TCP11: variants seen among roughly 807,000 people sequenced by gnomAD.
TCP11 encodes T-complex protein 11 homolog.
A neutral mutation model predicts 45.0 loss-of-function variants in TCP11; 34 were observed. The observed-to-expected ratio is 0.76, with a 90% CI of 0.57 to 1.01. The LOEUF (loss-of-function observed/expected upper bound fraction) is 1.01, where lower values mean the gene tolerates loss of function less well. Among genes scored for constraint, TCP11 ranks in the 50% least tolerant of loss-of-function variants. TCP11 has a pLI of 0.00. For missense variants in TCP11, 523 were observed against 598.1 expected (o/e 0.87, Z 1.31); for synonymous variants, 227 against 227.0 (o/e 1.00, Z 0.00).
At chr6:35,128,942 C>A in intron 4 of TCP11, 120 bp downstream of exon 4, 1 of 1,276,818 alleles carries the variant, frequency 7.8e-7, no homozygotes, top group Non-Finnish European at 1.1e-6. Context: ...TGATTTCTGT[C>A]TATTGCTTAG....
intron 3 of TCP11, among the ~76,000 whole-genome samples, chr6:35,133,623 C>T (rs1284947891): frequency 6.6e-6 from 1 of 152,088 alleles, no homozygotes; most frequent in African/African-American, 2.4e-5. Flanking sequence ...AACCCCACCT[C>T]TGCTAAAAAT....
chr6:35,124,180 A>G (rs1252607654), intron 4 of TCP11, among the ~76,000 whole-genome samples: 3 of 152,106 alleles, frequency 2.0e-5, no homozygotes, highest in African/African-American at 7.2e-5. Context: ...ATTTAGAATC[A>G]CTCGAGGTTA....
At chr6:35,127,555 T>C (rs1047651461) in intron 4 of TCP11, among the ~76,000 whole-genome samples, 8 of 152,374 alleles carry the variant, frequency 5.3e-5, no homozygotes, top group South Asian at 2.1e-4. Context: ...ACAAGGACTA[T>C]AAATTTTATC....
chr6:35,131,118 C>T (rs1780381317), intron 3 of TCP11, among the ~76,000 whole-genome samples: 1 of 152,070 alleles, frequency 6.6e-6, no homozygotes, highest in South Asian at 2.1e-4. Flanking sequence ...ACTAAAAATA[C>T]AAAAATTAGC....
chr6:35,132,942 T>G (rs1314416617), intron 3 of TCP11, among the ~76,000 whole-genome samples: 1 of 152,140 alleles, frequency 6.6e-6, no homozygotes, highest in Non-Finnish European at 1.5e-5. Flanking sequence ...GTTCCCAGCA[T>G]GGAAACTTGC....
At chr6:35,119,149 A>G (rs1778948617) in intron 9 of TCP11, 79 bp downstream of exon 9, 1 of 1,549,646 alleles carries the variant, frequency 6.5e-7, no homozygotes, top group Non-Finnish European at 8.8e-7. Flanking sequence ...ACCATGCTTC[A>G]TGTTGTTAAA....
chr6:35,133,086 AGTT>A (rs1230363180), intron 3 of TCP11, among the ~76,000 whole-genome samples: 1 of 152,172 alleles, frequency 6.6e-6, no homozygotes, highest in Non-Finnish European at 1.5e-5. Flanking sequence ...ATGAATCACG[AGTT>A]GTTATTATTT....
intron 4 of TCP11, chr6:35,128,856 C>T: frequency 1.7e-6 from 1 of 592,750 alleles, no homozygotes; most frequent in Admixed American, 3.5e-5. Flanking sequence ...CTTACTCTTA[C>T]TAGCCAAGCC....
intron 2 of TCP11, among the ~76,000 whole-genome samples, 188 bp from the exon 3 acceptor site, chr6:35,136,406 A>G (rs1458258013): frequency 2.6e-5 from 4 of 151,934 alleles, no homozygotes; most frequent in Non-Finnish European, 4.4e-5. Context: ...TCAGAATAGT[A>G]GTCTAACACT....
At chr6:35,121,632 G>A (rs1316391295) in intron 5 of TCP11, among the ~76,000 whole-genome samples, 1 of 151,936 alleles carries the variant, frequency 6.6e-6, no homozygotes, top group African/African-American at 2.4e-5. Context: ...GGCCAACATG[G>A]TGAAACTTTG....
chr6:35,118,328 T>A lies in TCP11; in HGVS notation c.1453A>T (p.Ile485Phe). The A allele has an allele frequency of 6.2e-7, 1 of 1,614,138 alleles. No homozygotes were observed. The highest frequency in any genetic ancestry group is 8.5e-7 in the Non-Finnish European group (1 of 1,180,010). Reference sequence around the variant, plus strand: ...GCTGGGGAAATGAGGGTTTTTAGGATCTCAGTGTAGTAGGGACCAAACACC... The same window carrying A: ...GCTGGGGAAATGAGGGTTTTTAGGAACTCAGTGTAGTAGGGACCAAACACC... ...QQVFGPYYTE[I>F]LKTLISPAQA... Residue 485 changes from isoleucine (I) to phenylalanine (F), a missense_variant, in exon 10 of 10, where the codon ATC becomes TTC. Coordinates refer to ENST00000311875, the MANE Select transcript of TCP11 (RefSeq NM_001370687.1).
At chr6:35,137,506 C>T (rs537675951) in intron 2 of TCP11, among the ~76,000 whole-genome samples, 18 of 148,322 alleles carry the variant, frequency 1.2e-4, no homozygotes, top group Non-Finnish European at 1.9e-4. Flanking sequence ...AACAGCAGTC[C>T]CTTAAATGGA....
Position 35,141,332 on chromosome 6 carries a change from C to T in TCP11, c.-142G>A, listed in dbSNP as rs1284201351. The T allele has an allele frequency of 8.2e-7, 1 of 1,212,628 alleles. No homozygotes were observed. The highest frequency in any genetic ancestry group is 3.2e-5 in the East Asian group (1 of 31,122). 75.1% of individuals were successfully genotyped at this position (1,212,628 alleles called of 1,614,324 possible). A position where few individuals can be genotyped will look rare whatever the true frequency, so the allele number is the denominator to read the frequency against. On this transcript the variant is annotated 5_prime_UTR_variant, in exon 1 of 10. Transcript: ENST00000311875. Reference sequence around the variant, plus strand: ...GTCGCACGGTGAGAAAGGCCGGGGCCTGAGAACAAACCGCCGCGGTCGCCG... The same window carrying T: ...GTCGCACGGTGAGAAAGGCCGGGGCTTGAGAACAAACCGCCGCGGTCGCCG...
chr6:35,135,986 C>T, intron 3 of TCP11, 121 bp downstream of exon 3: 1 of 623,202 alleles, frequency 1.6e-6, no homozygotes, highest in Admixed American at 3.4e-5. Context: ...TTGTTGAGAC[C>T]TCTCAAGTTT....
At chr6:35,126,051 G>A (rs540990620) in intron 4 of TCP11, among the ~76,000 whole-genome samples, 5 of 152,252 alleles carry the variant, frequency 3.3e-5, no homozygotes, top group African/African-American at 1.2e-4. Flanking sequence ...AAGATTCAAA[G>A]GTTCTGGAAA....
chr6:35,127,813 C>G (rs1186557093), intron 4 of TCP11, among the ~76,000 whole-genome samples: 1 of 152,158 alleles, frequency 6.6e-6, no homozygotes. Flanking sequence ...TGTAAGAGTT[C>G]TTTTCAGGAA....
At chr6:35,123,648 T>C (rs1164027281) in intron 4 of TCP11, among the ~76,000 whole-genome samples, 2 of 108,266 alleles carry the variant, frequency 1.8e-5, no homozygotes, top group African/African-American at 6.6e-5. Context: ...CTTAGTTTTC[T>C]TTCTTTTTTT....
intron 9 of TCP11, 109 bp from the exon 10 acceptor site, chr6:35,118,610 C>A (rs1011677096): frequency 4.3e-6 from 4 of 935,752 alleles, no homozygotes; most frequent in Non-Finnish European, 1.6e-6. Context: ...TATGTACCAA[C>A]CTGCCCCCCT....
At chr6:35,137,966 A>G (rs1733628282) in intron 2 of TCP11, 2 of 355,228 alleles carry the variant, frequency 5.6e-6, no homozygotes, top group Admixed American at 7.4e-5. Context: ...AGGTTACTGT[A>G]GAAAAGTTAC....
Sources: allele counts gnomAD v4.1 joint callset (sites outside exome capture counted in the v4.1 genomes callset), GRCh38; gene constraint gnomAD v4.1.1; transcripts MANE v1.5; gene names NCBI Gene and HGNC (gene_info 2026-07-23, HGNC 2026-07-21).